The following RPS19 variants were observed in gnomAD, a reference collection of about 807,000 sequenced individuals.
RPS19 encodes small ribosomal subunit protein eS19.
In RPS19, 1 loss-of-function variant was observed where a neutral mutation model predicts 20.3. The ratio of observed to expected loss-of-function variants is 0.05; its 90% CI spans 0.02 to 0.23. The LOEUF is 0.23. Among genes scored for constraint, RPS19 ranks in the 10% least tolerant of loss-of-function variants. The pLI is 1.00. For missense variants in RPS19, 111 were observed against 192.7 expected (o/e 0.58, Z 2.51); for synonymous variants, 87 against 74.8 (o/e 1.16, Z -0.84).
chr19:41,862,635 A>ATT lies in RPS19; in HGVS notation c.172+1439_172+1440dup, dbSNP rs35133385. ...AAGTAGGACTGTATGTGTCTTGTAC[A>ATT]TTTTTTTTTTTTTTTTTAACATGGG... On this transcript the variant is annotated intron_variant, in intron 3 of 5. Transcript: ENST00000598742. 5.7e-4 allele frequency among the ~76,000 whole-genome samples: 83 copies of ATT among 144,620 alleles called. 1 individual carries two copies. The highest frequency in any genetic ancestry group is 1.7e-3 in the African/African-American group (68 of 38,868). The allele number at this position is 144,620 out of a possible 152,430, so 94.9% of individuals were successfully genotyped here. A position where few individuals can be genotyped will look rare whatever the true frequency, so the allele number is the denominator to read the frequency against.
intron 3 of RPS19, chr19:41,864,896 A>G (rs1389491672): frequency 6.6e-6 from 1 of 152,184 alleles, no homozygotes; most frequent in Non-Finnish European, 1.5e-5. Context: ...GGGTGAGGAA[A>G]AAGGTCAGTG....
Position 41,871,430 on chromosome 19 carries a change from C to A in RPS19, c.*53C>A. The A allele has an allele frequency of 1.9e-6, 3 of 1,548,506 alleles. No homozygotes were observed. Among genetic ancestry groups the A allele is most frequent in the East Asian group, 2.3e-5 (1 of 44,418 alleles). On this transcript the variant is annotated 3_prime_UTR_variant, in exon 6 of 6. Coordinates refer to ENST00000598742, the MANE Select transcript of RPS19 (RefSeq NM_001022.4). ...CCTCATTCGTAATCCTGGTCTGGGT[C>A]TCTTTTTTGAGTCTCTTGCTCTGTC...
At chr19:41,866,547 G>A (rs1555840631) in intron 3 of RPS19, among the ~76,000 whole-genome samples, 1 of 152,204 alleles carries the variant, frequency 6.6e-6, no homozygotes, top group African/African-American at 2.4e-5. Context: ...GGTAGGGCCT[G>A]GAGTGAGGTG....
At chr19:41,862,623 T>C (rs910911250) in intron 3 of RPS19, among the ~76,000 whole-genome samples, 2 of 147,180 alleles carry the variant, frequency 1.4e-5, no homozygotes, top group African/African-American at 5.0e-5. Flanking sequence ...TAGGACTGTA[T>C]GTGTCTTGTA....
intron 1 of RPS19, 101 bp from the exon 2 acceptor site, chr19:41,860,674 C>A (rs532072309): frequency 1.1e-6 from 1 of 928,820 alleles, no homozygotes; most frequent in African/African-American, 1.6e-5. Context: ...GGGGGTACCA[C>A]GGTTTAGGAT....
chr19:41,867,712 A>G (rs1555840999), intron 3 of RPS19, among the ~76,000 whole-genome samples: 1 of 152,062 alleles, frequency 6.6e-6, no homozygotes, highest in Admixed American at 6.5e-5. Flanking sequence ...GGCTGAGGCA[A>G]GAGGATTGCT....
intron 3 of RPS19, among the ~76,000 whole-genome samples, chr19:41,867,659 C>T (rs1478866748): frequency 6.6e-6 from 1 of 152,172 alleles, no homozygotes; most frequent in African/African-American, 2.4e-5. Flanking sequence ...TAGATTAATA[C>T]AGGCCAGACA....
At position 41,865,256 on chromosome 19, in the gene RPS19, T is replaced by G. The variant is rs2074072772; in HGVS notation, c.173-3775T>G. Among the ~76,000 whole-genome samples, 3 of 151,138 alleles carry G rather than the reference T, an allele frequency of 2.0e-5. No individual in the cohort carries two copies. The South Asian group carries it at 6.3e-4, about 32-fold the overall frequency. ...AGCAGGCGCCTGTAGTCCCAGCTAC[T>G]GGGGAGGCTGAGACAGAAGAATTGC... On this transcript the variant is annotated intron_variant, in intron 3 of 5. Transcript: ENST00000598742.
rs2074151464 is a variant in RPS19, at chr19:41,871,747, GC to G, written c.*373del. The G allele has an allele frequency of 3.5e-6, 1 of 287,888 alleles. No individual in the cohort carries two copies. Among genetic ancestry groups the G allele is most frequent in the Admixed American group, 4.8e-5 (1 of 20,868 alleles). The allele number at this position is 287,888 out of a possible 1,614,324, so 17.8% of individuals were successfully genotyped here. On this transcript the variant is annotated 3_prime_UTR_variant, in exon 6 of 6. Transcript: ENST00000598742. Reference sequence around the variant, plus strand: ...CTGGGTTTGGAGGAAGGACCCAGGGGCCCTTGTGGCTCACTCCCCCACATCC... The same window carrying G: ...CTGGGTTTGGAGGAAGGACCCAGGGGCCTTGTGGCTCACTCCCCCACATCC...
At chr19:41,868,311 C>T (rs569596419) in intron 3 of RPS19, among the ~76,000 whole-genome samples, 201 of 152,320 alleles carry the variant, frequency 1.3e-3, no homozygotes, top group African/African-American at 4.7e-3. Context: ...TCTGGCACCT[C>T]AGTTTCACTC....
At chr19:41,870,332 C>T (rs2074133865) in intron 5 of RPS19, among the ~76,000 whole-genome samples, 1 of 152,198 alleles carries the variant, frequency 6.6e-6, no homozygotes, top group African/African-American at 2.4e-5. Flanking sequence ...ATGACTCCCC[C>T]TCCCCAGGTC....
Position 41,861,187 on chromosome 19 carries a change from T to C in RPS19, c.147T>C (p.Asp49=), listed in dbSNP as rs1600608943. ...LAKHKELAPY[D]ENWFYTRAAS... is the part of the protein sequence containing the mutation. ...AGCACAAAGAGCTTGCTCCCTACGATGAGAACTGGTTCTACACGCGAGCTG... is the reference window on the plus strand; with the variant it reads ...AGCACAAAGAGCTTGCTCCCTACGACGAGAACTGGTTCTACACGCGAGCTG... The change falls in exon 3 of 6, where the codon GAT becomes GAC. Residue 49 remains aspartate (D), a synonymous_variant. Transcript: ENST00000598742. The C allele has an allele frequency of 6.2e-7, 1 of 1,613,450 alleles. No individual in the cohort carries two copies. The highest frequency in any genetic ancestry group is 8.5e-7 in the Non-Finnish European group (1 of 1,179,498).
chr19:41,872,710 C>T lies in RPS19; in HGVS notation c.*1333C>T, dbSNP rs956184290. ...GTTGGGAGCTTGAGAACAGCCTGAC[C>T]AACATGGAGAAACCCTGTCTCTAAA... On this transcript the variant is annotated 3_prime_UTR_variant, in exon 6 of 6. Transcript: ENST00000598742. 6.6e-6 allele frequency: 1 copy of T among 152,168 alleles called. No homozygotes were observed. Among genetic ancestry groups the T allele is most frequent in the Non-Finnish European group, 1.5e-5 (1 of 68,044 alleles). 9.4% of individuals were successfully genotyped at this position (152,168 alleles called of 1,614,324 possible).
At chr19:41,865,594 C>G (rs1423868170) in intron 3 of RPS19, among the ~76,000 whole-genome samples, 2 of 152,138 alleles carry the variant, frequency 1.3e-5, no homozygotes, top group East Asian at 1.9e-4. Context: ...TGTCCCATTT[C>G]TGGTGTACAG....
chr19:41,863,440 CAGGG>C (rs2074053725), intron 3 of RPS19, among the ~76,000 whole-genome samples: 2 of 152,204 alleles, frequency 1.3e-5, no homozygotes, highest in African/African-American at 4.8e-5. Flanking sequence ...GAGGGCTTGG[CAGGG>C]TGGCTCTGTC....
intron 3 of RPS19, among the ~76,000 whole-genome samples, chr19:41,868,227 G>A (rs1461076809): frequency 1.3e-5 from 2 of 152,186 alleles, no homozygotes; most frequent in African/African-American, 4.8e-5. Flanking sequence ...CCTGCATGTG[G>A]GCCCCGGTGC....
chr19:41,871,027 T>G (rs1403775585), intron 5 of RPS19, among the ~76,000 whole-genome samples: 2 of 151,756 alleles, frequency 1.3e-5, no homozygotes, highest in African/African-American at 4.8e-5. Context: ...CACACCTGGC[T>G]AGTTTTTATA....
intron 5 of RPS19, 37 bp downstream of exon 5, chr19:41,869,790 G>A (rs1291996464): frequency 6.2e-7 from 1 of 1,603,758 alleles, no homozygotes; most frequent in African/African-American, 1.3e-5. Flanking sequence ...GGGTCCCTTA[G>A]TCGCTGCCCA....
chr19:41,861,847 C>T (rs1196249687), intron 3 of RPS19, among the ~76,000 whole-genome samples: 1 of 152,234 alleles, frequency 6.6e-6, no homozygotes, highest in Non-Finnish European at 1.5e-5. Flanking sequence ...GGACACCCTG[C>T]AACCTCGTGC....
Sources: gnomAD v4.1 joint callset for allele counts (sites outside exome capture counted in the v4.1 genomes callset) on GRCh38, gnomAD v4.1.1 for gene constraint, MANE v1.5 for transcripts, NCBI Gene and HGNC (gene_info 2026-07-23, HGNC 2026-07-21) for gene names.